The following WWP2 variants were observed in gnomAD, a reference collection of about 807,000 sequenced individuals.
WWP2 encodes the protein WW domain containing E3 ubiquitin protein ligase 2.
Under a neutral mutation model 121.0 loss-of-function variants are expected in WWP2, and 57 were observed. The observed-to-expected ratio is 0.47, with a 90% CI of 0.38 to 0.59. The LOEUF is 0.59. Among genes scored for constraint, WWP2 ranks in the 20% least tolerant of loss-of-function variants. The pLI is 0.00. For missense variants in WWP2, 962 were observed against 1,158.9 expected (o/e 0.83, Z 2.47); for synonymous variants, 449 against 441.3 (o/e 1.02, Z -0.22).
rs1006308422 is a variant in WWP2, at chr16:69,931,438, G to A, written c.1522-71G>A. On this transcript the variant is annotated intron_variant, in intron 14 of 23. Transcript: ENST00000359154. Reference sequence around the variant, plus strand: ...TGGCCCAGCAGGCTGGGGAATGCCTGTTCATACAGACAGGAGAACAGATGA... The same window carrying A: ...TGGCCCAGCAGGCTGGGGAATGCCTATTCATACAGACAGGAGAACAGATGA... The A allele has an allele frequency of 4.1e-5, 65 of 1,597,132 alleles. 1 individual carries two copies. Among genetic ancestry groups the A allele is most frequent in the East Asian group, 1.8e-4 (8 of 44,786 alleles).
At chr16:69,897,552 G>A (rs773205333) in intron 8 of WWP2, among the ~76,000 whole-genome samples, 5 of 152,060 alleles carry the variant, frequency 3.3e-5, no homozygotes, top group Non-Finnish European at 7.4e-5. Flanking sequence ...ACTGCTATAC[G>A]GTGTTCTGTT....
intron 6 of WWP2, among the ~76,000 whole-genome samples, chr16:69,867,993 C>A (rs1222327047): frequency 6.6e-6 from 1 of 152,204 alleles, no homozygotes; most frequent in Non-Finnish European, 1.5e-5. Flanking sequence ...CAATATGATC[C>A]CATCTTTTAT....
intron 2 of WWP2, among the ~76,000 whole-genome samples, chr16:69,795,903 C>T (rs1285298649): frequency 6.6e-6 from 1 of 151,798 alleles, no homozygotes; most frequent in African/African-American, 2.4e-5. Context: ...CTGCCTCGGC[C>T]TCCCAAAGAG....
intron 9 of WWP2, among the ~76,000 whole-genome samples, chr16:69,910,691 G>T (rs958475891): frequency 1.3e-5 from 2 of 152,146 alleles, no homozygotes; most frequent in African/African-American, 4.8e-5. Context: ...TTACAGATGT[G>T]AGCCACTGCG....
chr16:69,842,221 G>A (rs1260797608), intron 6 of WWP2, 101 bp downstream of exon 6: 2 of 1,168,806 alleles, frequency 1.7e-6, no homozygotes, highest in Admixed American at 2.2e-5. Flanking sequence ...AGAAACTGTT[G>A]GAGATTTCCA....
At chr16:69,931,669 T>G in intron 15 of WWP2, 89 bp downstream of exon 15, 1 of 1,587,602 alleles carries the variant, frequency 6.3e-7, no homozygotes, top group Non-Finnish European at 8.6e-7. Flanking sequence ...AAACCCACAC[T>G]GCAGACTTTC....
intron 2 of WWP2, among the ~76,000 whole-genome samples, chr16:69,789,864 C>T (rs942570953): frequency 6.6e-6 from 1 of 152,148 alleles, no homozygotes; most frequent in South Asian, 2.1e-4. Context: ...ATTCCCTGCT[C>T]AGTAAAAAAA....
intron 9 of WWP2, among the ~76,000 whole-genome samples, chr16:69,915,046 G>A (rs4985378): frequency 0.76 from 114,613 of 151,616 alleles, 44,224 homozygotes; most frequent in East Asian, 0.96. Context: ...GACACAGAGC[G>A]GGTGTGAGAT....
At chr16:69,801,203 T>A in intron 4 of WWP2, among the ~76,000 whole-genome samples, 1 of 148,292 alleles carries the variant, frequency 6.7e-6, no homozygotes, top group Non-Finnish European at 1.5e-5. Flanking sequence ...AAAAAGCAAT[T>A]TTACTTTAAT....
intron 21 of WWP2, among the ~76,000 whole-genome samples, chr16:69,938,792 G>C (rs1202164554): frequency 6.6e-6 from 1 of 152,212 alleles, no homozygotes; most frequent in Non-Finnish European, 1.5e-5. Context: ...CCCAGCCTGA[G>C]GTGTCCCTGA....
At position 69,925,888 on chromosome 16, in the gene WWP2, C is replaced by T. The variant is rs1290044171; in HGVS notation, c.1234+404C>T. ...TCTGTGACCGTATGGTTGGAATGATCCACCCTAACAAATCTTTCTTTGCAG... is the reference window on the plus strand; with the variant it reads ...TCTGTGACCGTATGGTTGGAATGATTCACCCTAACAAATCTTTCTTTGCAG... On this transcript the variant is annotated intron_variant, in intron 11 of 23. Transcript: ENST00000359154. The surrounding 1 kb of genome is among the most constrained non-coding windows in gnomAD (Gnocchi z 4.0). The T allele has an allele frequency of 5.8e-6, 1 of 170,972 alleles. No homozygotes were observed. Among genetic ancestry groups the T allele is most frequent in the Non-Finnish European group, 1.2e-5 (1 of 80,956 alleles). 10.6% of individuals were successfully genotyped at this position (170,972 alleles called of 1,614,324 possible).
chr16:69,793,629 C>T (rs1405352132), intron 2 of WWP2, among the ~76,000 whole-genome samples: 2 of 151,892 alleles, frequency 1.3e-5, no homozygotes, highest in African/African-American at 2.4e-5. Flanking sequence ...ATTTGTTTCA[C>T]GAGTCAAGTC....
chr16:69,921,672 T>C (rs919124436), intron 10 of WWP2, among the ~76,000 whole-genome samples: 8 of 152,234 alleles, frequency 5.3e-5, no homozygotes, highest in Admixed American at 4.6e-4. Flanking sequence ...GTCGTGTTCC[T>C]GCTGGGACCC....
intron 17 of WWP2, among the ~76,000 whole-genome samples, chr16:69,934,385 C>A (rs930963069): frequency 6.6e-6 from 1 of 152,056 alleles, no homozygotes; most frequent in Non-Finnish European, 1.5e-5. Flanking sequence ...ATGCAAGAAG[C>A]TAGAGAGAGT....
intron 4 of WWP2, among the ~76,000 whole-genome samples, chr16:69,826,956 G>GCT (rs1378566501): frequency 2.3e-4 from 4 of 17,320 alleles, no homozygotes; most frequent in Non-Finnish European, 1.1e-3. Flanking sequence ...AAAAAAAAAG[G>GCT]GGGGGGGGCG....
rs141140324 is a variant in WWP2 at position 69,796,667 on chromosome 16, GT to G, written c.71-2014del. The stretch of plus-strand genomic sequence containing the variant: ...TGTAGTCCCTATTTTTTAAAGGCAT[GT>G]AGATTCATGCTCTTACCACCAGGTG... On this transcript the variant is annotated intron_variant, in intron 2 of 23. Transcript: ENST00000359154. Among the ~76,000 whole-genome samples the G allele has an allele frequency of 5.7e-3, 864 of 152,330 alleles. 11 individuals carry two copies. Among genetic ancestry groups the G allele is most frequent in the African/African-American group, 0.02 (825 of 41,570 alleles).
intron 6 of WWP2, among the ~76,000 whole-genome samples, chr16:69,862,952 C>T (rs1027054573): frequency 2.6e-5 from 4 of 152,044 alleles, no homozygotes; most frequent in Non-Finnish European, 5.9e-5. Flanking sequence ...GGTTTGCACT[C>T]TTGGGCTCAA....
At chr16:69,911,611 C>T (rs766241020) in intron 9 of WWP2, among the ~76,000 whole-genome samples, 4 of 152,100 alleles carry the variant, frequency 2.6e-5, no homozygotes, top group African/African-American at 9.7e-5. Context: ...CTGACTGGGC[C>T]TCCAGTCACT....
intron 7 of WWP2, among the ~76,000 whole-genome samples, chr16:69,874,855 A>T (rs190291098): frequency 3.3e-5 from 5 of 152,054 alleles, no homozygotes; most frequent in Non-Finnish European, 7.4e-5. Flanking sequence ...TAGTTTTCTC[A>T]TTTATAAAAT....
Sources: allele counts gnomAD v4.1 joint callset (sites outside exome capture counted in the v4.1 genomes callset), GRCh38; gene constraint gnomAD v4.1.1; non-coding constraint Gnocchi (gnomAD v3.1); transcripts MANE v1.5; gene names NCBI Gene and HGNC (gene_info 2026-07-23, HGNC 2026-07-21).